The following KIFAP3 variants were observed in gnomAD, a reference collection of about 807,000 sequenced individuals.
KIFAP3 encodes the protein kinesin-associated protein 3.
In KIFAP3, 68 loss-of-function variants were observed where a neutral mutation model predicts 106.5. The ratio of observed to expected loss-of-function variants is 0.64; its 90% CI spans 0.53 to 0.78. The LOEUF (loss-of-function observed/expected upper bound fraction) is 0.78, where lower values mean the gene tolerates loss of function less well. KIFAP3 is among the 30% of genes least tolerant of loss of function. The pLI, the probability that KIFAP3 is intolerant of heterozygous loss-of-function variation, is 0.00. For missense variants in KIFAP3, 780 were observed against 941.8 expected (o/e 0.83, Z 2.25); for synonymous variants, 320 against 311.5 (o/e 1.03, Z -0.29).
At chr1:169,967,352 G>A (rs1041962559) in intron 17 of KIFAP3, among the ~76,000 whole-genome samples, 1 of 151,766 alleles carries the variant, frequency 6.6e-6, no homozygotes, top group Middle Eastern at 3.4e-3. Flanking sequence ...ACAATTTGCT[G>A]TATCACATTC....
Position 170,024,402 on chromosome 1 carries a change from A to C in KIFAP3, c.1020+16T>G, listed in dbSNP as rs1472855705. On this transcript the variant is annotated intron_variant, in intron 9 of 19. Coordinates refer to ENST00000361580, the MANE Select transcript of KIFAP3 (RefSeq NM_014970.4). ...GGCAAAAATGAACTATTTCAAGAAA[A>C]AGCTTTGTAAGTTACCATATCATTT... The C allele has an allele frequency of 6.7e-7, 1 of 1,492,174 alleles. No individual in the cohort carries two copies. The highest frequency in any genetic ancestry group is 9.0e-7 in the Non-Finnish European group (1 of 1,106,290). 92.4% of individuals were successfully genotyped at this position (1,492,174 alleles called of 1,614,324 possible).
chr1:169,973,400 C>A (rs595984), intron 16 of KIFAP3, among the ~76,000 whole-genome samples: 138,901 of 149,606 alleles, frequency 0.93, 64,522 homozygotes, highest in East Asian at 1. Context: ...TGTAACAGAA[C>A]AAAACAAATA....
intron 10 of KIFAP3, 45 bp downstream of exon 10, chr1:170,016,417 T>C (rs768920022): frequency 1.1e-5 from 16 of 1,514,322 alleles, no homozygotes; most frequent in African/African-American, 5.7e-5. Flanking sequence ...TCCAGCGATG[T>C]TGGAAATTCC....
chr1:169,928,360 A>G (rs1431576750), intron 19 of KIFAP3, among the ~76,000 whole-genome samples: 1 of 152,078 alleles, frequency 6.6e-6, no homozygotes. Context: ...GGCCTCCCAA[A>G]GTGCTGGGAT....
intron 1 of KIFAP3, among the ~76,000 whole-genome samples, chr1:170,083,876 A>C (rs1019599341): frequency 6.6e-6 from 1 of 152,238 alleles, no homozygotes; most frequent in Non-Finnish European, 1.5e-5. Flanking sequence ...TTTTGTTAGA[A>C]TCTTATAAAT....
intron 19 of KIFAP3, among the ~76,000 whole-genome samples, chr1:169,926,923 G>A (rs1007231859): frequency 6.6e-6 from 1 of 152,136 alleles, no homozygotes; most frequent in Non-Finnish European, 1.5e-5. Context: ...TTTAACATGA[G>A]CTGTTATAGG....
At chr1:170,027,968 C>T (rs1216619546) in intron 8 of KIFAP3, among the ~76,000 whole-genome samples, 2 of 151,986 alleles carry the variant, frequency 1.3e-5, no homozygotes, top group Non-Finnish European at 2.9e-5. Flanking sequence ...GACTTCTCAT[C>T]AAAAACAATG....
At chr1:169,955,197 G>T (rs1664942602) in intron 18 of KIFAP3, among the ~76,000 whole-genome samples, 1 of 152,014 alleles carries the variant, frequency 6.6e-6, no homozygotes, top group African/African-American at 2.4e-5. Context: ...TATACATTTG[G>T]CACACAGTAT....
intron 1 of KIFAP3, among the ~76,000 whole-genome samples, chr1:170,058,231 T>C (rs1046772506): frequency 1.3e-5 from 2 of 152,198 alleles, no homozygotes. Flanking sequence ...AGTCCTTAAC[T>C]TTTCATTAAA....
At chr1:170,004,284 A>C (rs1260414072) in intron 10 of KIFAP3, among the ~76,000 whole-genome samples, 4 of 152,200 alleles carry the variant, frequency 2.6e-5, no homozygotes, top group Non-Finnish European at 5.9e-5. Flanking sequence ...ATACTGCCCA[A>C]GGTAATTTAT....
intron 10 of KIFAP3, among the ~76,000 whole-genome samples, chr1:169,998,677 C>T (rs1409014286): frequency 1.3e-5 from 2 of 151,860 alleles, no homozygotes; most frequent in Non-Finnish European, 2.9e-5. Flanking sequence ...CAGAAAAATA[C>T]GTAAATATTT....
intron 10 of KIFAP3, among the ~76,000 whole-genome samples, chr1:170,013,100 G>T (rs1668323666): frequency 6.6e-6 from 1 of 152,112 alleles, no homozygotes. Flanking sequence ...TGAGAAGACA[G>T]CTGTCTATGA....
At chr1:169,962,284 T>G (rs1188887427) in intron 17 of KIFAP3, among the ~76,000 whole-genome samples, 1 of 152,188 alleles carries the variant, frequency 6.6e-6, no homozygotes, top group South Asian at 2.1e-4. Flanking sequence ...TCTGTAACAC[T>G]TGTCAGAAAG....
At position 169,961,164 on chromosome 1, in the gene KIFAP3, C is replaced by T; in HGVS notation, c.2055G>A (p.Glu685=). Residue 685 remains glutamate, a synonymous_variant, in exon 18 of 20, where the codon GAG becomes GAA. Transcript: ENST00000361580. ...CATCCATCTGACGACTCTCTACCAT[C>T]TCCAGCCACTGAGAGTTATGCCAGC... is the stretch of plus-strand genomic sequence containing the variant. ...KFRWHNSQWL[E]MVESRQMDES... 3 of 1,613,618 alleles carry T rather than the reference C, an allele frequency of 1.9e-6. No individual in the cohort carries two copies. In the South Asian group the frequency reaches 3.3e-5, roughly 18 times the overall value.
intron 2 of KIFAP3, among the ~76,000 whole-genome samples, chr1:170,051,212 T>C (rs1055416323): frequency 2.7e-5 from 4 of 149,794 alleles, no homozygotes; most frequent in Admixed American, 6.6e-5. Context: ...AAACAGACTT[T>C]AAACCAACAA....
chr1:169,950,900 T>C (rs1290172769), intron 19 of KIFAP3, among the ~76,000 whole-genome samples: 4 of 152,004 alleles, frequency 2.6e-5, no homozygotes, highest in Non-Finnish European at 5.9e-5. Context: ...TGAATAATTA[T>C]GTAACAATTT....
At chr1:169,956,493 A>G (rs1395104968) in intron 18 of KIFAP3, among the ~76,000 whole-genome samples, 1 of 152,168 alleles carries the variant, frequency 6.6e-6, no homozygotes, top group Non-Finnish European at 1.5e-5. Context: ...AATCAAATTA[A>G]AAATTTTTTA....
At chr1:169,983,518 G>A (rs1666640383) in intron 12 of KIFAP3, 136 bp from the exon 13 acceptor site, 2 of 646,374 alleles carry the variant, frequency 3.1e-6, no homozygotes, top group Admixed American at 6.1e-5. Context: ...GATTAATTTA[G>A]ATGCAACCCA....
chr1:170,035,641 A>T (rs950368275), intron 5 of KIFAP3, 88 bp from the exon 6 acceptor site: 2 of 732,054 alleles, frequency 2.7e-6, no homozygotes, highest in Non-Finnish European at 4.4e-6. Flanking sequence ...TTATTAATGA[A>T]TAATAAAGCT....
Sources: gnomAD v4.1 joint callset for allele counts (sites outside exome capture counted in the v4.1 genomes callset) on GRCh38, gnomAD v4.1.1 for gene constraint, MANE v1.5 for transcripts, NCBI Gene and HGNC (gene_info 2026-07-23, HGNC 2026-07-21) for gene names.